MED12L: variants seen among roughly 807,000 people sequenced by gnomAD.
MED12L encodes mediator of RNA polymerase II transcription subunit 12-like protein.
A neutral mutation model predicts 281.3 loss-of-function variants in MED12L; 60 were observed. The ratio of observed to expected loss-of-function variants is 0.21; its 90% confidence interval spans 0.17 to 0.26. MED12L has a LOEUF of 0.26. Ranked by LOEUF, MED12L falls within the 10% of genes least tolerant of loss-of-function variation. The probability of loss-of-function intolerance (pLI) is 1.00; values close to 1 mark genes in which losing one functional copy is unlikely to be tolerated. For missense variants in MED12L, 2,146 were observed against 2,680.9 expected, an observed-to-expected ratio of 0.80 and a Z score of 4.41; for synonymous variants, 974 against 987.2, an observed-to-expected ratio of 0.99 and a Z score of 0.25.
intron 16 of MED12L, among the ~76,000 whole-genome samples, chr3:151,233,618 A>G (rs1023323198): frequency 1.3e-5 from 2 of 152,192 alleles, no homozygotes; most frequent in African/African-American, 4.8e-5. Flanking sequence ...CTGTAATCCC[A>G]GCTACTCGGG....
At chr3:151,392,467 GA>G (rs200781609) in intron 38 of MED12L, among the ~76,000 whole-genome samples, 2,192 of 95,790 alleles carry the variant, frequency 0.023, 27 homozygotes, top group African/African-American at 0.096. Flanking sequence ...TCCATCTCAA[GA>G]AAAAAAAAAA....
intron 2 of MED12L, among the ~76,000 whole-genome samples, chr3:151,094,085 G>A (rs9818251): frequency 0.097 from 14,697 of 152,266 alleles, 956 homozygotes; most frequent in Middle Eastern, 0.17. Context: ...CCGCAGGTGT[G>A]TGCACGTGTG....
At chr3:151,394,570 A>G in intron 38 of MED12L, 86 bp from the exon 39 acceptor site, 1 of 1,574,408 alleles carries the variant, frequency 6.4e-7, no homozygotes. Context: ...TGAGACTTAG[A>G]AGGTGAAATT....
chr3:151,184,760 G>A (rs924317209), intron 11 of MED12L, among the ~76,000 whole-genome samples: 1 of 152,170 alleles, frequency 6.6e-6, no homozygotes, highest in African/African-American at 2.4e-5. Context: ...TTGTTGGTTC[G>A]TTTTGGTGCT....
intron 44 of MED12L, among the ~76,000 whole-genome samples, chr3:151,432,374 AC>A (rs1175494074): frequency 1.3e-5 from 2 of 152,174 alleles, no homozygotes; most frequent in East Asian, 3.8e-4. Context: ...ATTTTTTCTT[AC>A]CAATTATGTG....
chr3:151,222,183 A>G (rs1729498225), intron 16 of MED12L, among the ~76,000 whole-genome samples: 1 of 152,218 alleles, frequency 6.6e-6, no homozygotes, highest in Admixed American at 6.5e-5. Flanking sequence ...ACTGCATTGT[A>G]TCTAGGAAGT....
At chr3:151,329,143 G>T in intron 16 of MED12L, 1 of 657,484 alleles carries the variant, frequency 1.5e-6, no homozygotes, top group Non-Finnish European at 2.5e-6. Flanking sequence ...TTCAATAGAT[G>T]TGTTGAAAAG....
At chr3:151,348,286 A>G (rs967261993) in intron 16 of MED12L, among the ~76,000 whole-genome samples, 6 of 139,058 alleles carry the variant, frequency 4.3e-5, no homozygotes, top group African/African-American at 1.6e-4. Flanking sequence ...TCATAATTTT[A>G]TTAGTGCCCC....
chr3:151,409,163 G>T (rs1294347472), intron 39 of MED12L, 80 bp from the exon 40 acceptor site: 4 of 1,048,356 alleles, frequency 3.8e-6, no homozygotes, highest in African/African-American at 1.6e-5. Flanking sequence ...TTAGATGTGG[G>T]TTATTTGGAT....
At chr3:151,164,738 C>A (rs1460669340) in intron 9 of MED12L, among the ~76,000 whole-genome samples, 2 of 151,810 alleles carry the variant, frequency 1.3e-5, no homozygotes, top group Non-Finnish European at 2.9e-5. Flanking sequence ...TCTCAGCAAA[C>A]TATTGCAAGG....
chr3:151,349,944 G>A, intron 16 of MED12L, 115 bp from the exon 17 acceptor site: 1 of 862,882 alleles, frequency 1.2e-6, no homozygotes, highest in Non-Finnish European at 1.7e-6. Context: ...AGGGAGGGCG[G>A]GATGCCACCA....
chr3:151,264,509 G>A (rs775823602), intron 16 of MED12L, among the ~76,000 whole-genome samples: 1 of 152,196 alleles, frequency 6.6e-6, no homozygotes, highest in Admixed American at 6.5e-5. Context: ...TGTGTAAAGC[G>A]CACATCTCTA....
intron 16 of MED12L, among the ~76,000 whole-genome samples, chr3:151,340,058 A>T (rs192198292): frequency 6.6e-6 from 1 of 152,268 alleles, no homozygotes; most frequent in East Asian, 1.9e-4. Context: ...TGGAAGGAAA[A>T]CGATTAAGAA....
At chr3:151,174,025 G>T (rs948744471) in intron 11 of MED12L, among the ~76,000 whole-genome samples, 9 of 152,166 alleles carry the variant, frequency 5.9e-5, no homozygotes, top group African/African-American at 2.2e-4. Context: ...TTTGAGAGTA[G>T]AAGTGTTTAG....
chr3:151,357,524 A>G, intron 20 of MED12L, 148 bp downstream of exon 20: 1 of 648,692 alleles, frequency 1.5e-6, no homozygotes, highest in Non-Finnish European at 2.4e-6. Flanking sequence ...GAAAACATCG[A>G]TCAAAAAGGT....
intron 16 of MED12L, chr3:151,295,426 T>C: frequency 1.9e-6 from 1 of 520,848 alleles, no homozygotes; most frequent in Admixed American, 3.5e-5. Context: ...ATCAGGACCC[T>C]TGAGTAAAAA....
intron 26 of MED12L, among the ~76,000 whole-genome samples, 166 bp from the exon 27 acceptor site, chr3:151,372,401 T>G (rs1457557223): frequency 6.6e-6 from 1 of 152,236 alleles, no homozygotes; most frequent in Non-Finnish European, 1.5e-5. Context: ...TCTGGGTTCA[T>G]GCATTTATGC....
In MED12L at chr3:151,127,945, G is replaced by T; in HGVS notation, c.517G>T (p.Ala173Ser). Reference sequence around the variant, plus strand: ...TGCCTATTATTCTGCTATATCTGAAGCTAAAATTAAGAAACGTCAGGCTCC... The same window carrying T: ...TGCCTATTATTCTGCTATATCTGAATCTAAAATTAAGAAACGTCAGGCTCC... ...TCAYYSAISEAKIKKRQAPDP... is the reference protein window; with the variant it reads ...TCAYYSAISESKIKKRQAPDP... The change falls in exon 5 of 45, where the codon GCT (alanine) becomes TCT (serine). Residue 173 changes from alanine to serine, a missense_variant. Transcript: ENST00000687756. The T allele has an allele frequency of 6.2e-7, 1 of 1,613,846 alleles. No homozygotes were observed. Among genetic ancestry groups the T allele is most frequent in the Non-Finnish European group, 8.5e-7 (1 of 1,179,900 alleles).
chr3:151,271,820 G>C (rs1235291765), intron 16 of MED12L, among the ~76,000 whole-genome samples: 1 of 152,158 alleles, frequency 6.6e-6, no homozygotes, highest in Non-Finnish European at 1.5e-5. Flanking sequence ...AATACTGGTA[G>C]AACTAAGCTC....
Sources: gnomAD v4.1 joint callset for allele counts (sites outside exome capture counted in the v4.1 genomes callset) on GRCh38, gnomAD v4.1.1 for gene constraint, MANE v1.5 for transcripts, NCBI Gene and HGNC (gene_info 2026-07-23, HGNC 2026-07-21) for gene names.